Variants in EPG5 observed in about 807,000 individuals in gnomAD.
EPG5 encodes the protein ectopic P granules protein 5 homolog.
A neutral mutation model predicts 302.7 loss-of-function variants in EPG5; 159 were observed. The observed-to-expected ratio is 0.53, with a 90% CI of 0.46 to 0.60. EPG5 has a LOEUF of 0.60. Ranked by LOEUF, EPG5 falls within the 20% of genes least tolerant of loss-of-function variation. The pLI is 0.00. For synonymous variants in EPG5, 1,158 were observed against 1,136.8 expected (o/e 1.02, Z -0.37); for missense variants, 2,896 against 3,092.4 (o/e 0.94, Z 1.51).
At chr18:45,829,167 C>A in the EPG5 span, 15 of 985,364 alleles carry the variant, frequency 1.5e-5, no homozygotes, top group Non-Finnish European at 1.8e-5. Context: ...TGTGGCCCTG[C>A]CTCTCCATCA....
the EPG5 span, among the ~76,000 whole-genome samples, chr18:45,833,081 CCATTTGCAG>C: frequency 1.4e-4 from 22 of 152,246 alleles, no homozygotes; most frequent in Non-Finnish European, 2.9e-4. Context: ...CCCAGACCTG[CCATTTGCAG>C]CACACTTCAG....
At chr18:45,919,375 C>T (rs891523053) in intron 16 of EPG5, among the ~76,000 whole-genome samples, 1 of 152,076 alleles carries the variant, frequency 6.6e-6, no homozygotes, top group African/African-American at 2.4e-5. Flanking sequence ...TAGAGAGAGC[C>T]CACAGCAGTA....
chr18:45,811,009 A>G, the EPG5 span, among the ~76,000 whole-genome samples: 1 of 152,196 alleles, frequency 6.6e-6, no homozygotes, highest in Non-Finnish European at 1.5e-5. Flanking sequence ...TACAAGAGAC[A>G]TACCTCAATG....
At position 45,943,308 on chromosome 18, in the gene EPG5, T is replaced by A; in HGVS notation, c.1796A>T (p.Asp599Val). 6.2e-7 allele frequency: 1 copy of A among 1,613,644 alleles called. No homozygotes were observed. Among genetic ancestry groups the A allele is most frequent in the Middle Eastern group, 1.6e-4 (1 of 6,062 alleles). ...AGGTCTTGTTGTTTCAGGTAAATAA[T>A]CACCTAGAAGTTAATCAGATAAAAG... ...QHLLGFKAKG[D>V]YLPETTRPQE... The change falls in exon 9 of 44, where the codon GAT becomes GTT. Residue 599 changes from aspartate to valine, a missense_variant. By Grantham distance (152) the Asp-to-Val change is radical. Around this residue, in one of 5 missense-constraint regions of EPG5, gnomAD observed 1,390 missense variants for 1,430.0 expected, o/e 0.97. Coordinates refer to ENST00000282041, the MANE Select transcript of EPG5 (RefSeq NM_020964.3).
the EPG5 span, among the ~76,000 whole-genome samples, chr18:45,807,019 T>C: frequency 6.6e-6 from 1 of 152,118 alleles, no homozygotes. Flanking sequence ...CTCAGTGCTA[T>C]TGGCAGGCGG....
intron 13 of EPG5, among the ~76,000 whole-genome samples, chr18:45,926,218 G>A (rs1333271594): frequency 1.3e-5 from 2 of 152,062 alleles, no homozygotes; most frequent in Non-Finnish European, 2.9e-5. Context: ...ATCGGGGGAC[G>A]GCTATTCACT....
At chr18:45,961,293 G>A (rs1034665884) in intron 1 of EPG5, among the ~76,000 whole-genome samples, 6 of 152,180 alleles carry the variant, frequency 3.9e-5, no homozygotes, top group African/African-American at 1.4e-4. Context: ...TCAAAACCCT[G>A]TGTTGATTCC....
chr18:45,938,461 CAAAA>C (rs201985053), intron 10 of EPG5, among the ~76,000 whole-genome samples: 2 of 88,594 alleles, frequency 2.3e-5, no homozygotes, highest in Admixed American at 1.1e-4. Context: ...GACTCCATCT[CAAAA>C]AAAAAAAAAA....
At chr18:45,931,145 A>G (rs1057479401) in intron 11 of EPG5, among the ~76,000 whole-genome samples, 1 of 152,262 alleles carries the variant, frequency 6.6e-6, no homozygotes, top group African/African-American at 2.4e-5. Context: ...TTAACTGCAA[A>G]GCACTGCTGC....
Position 45,913,872 on chromosome 18 carries a change from C to A in EPG5, c.3694-44G>T, listed in dbSNP as rs537675018. On this transcript the variant is annotated intron_variant, in intron 20 of 43. Transcript: ENST00000282041. ...AAGGGGAGGGGAAGGAGGAGCTCGC[C>A]CCACTGACGAAATACATCCTGATAT... 1.1e-5 allele frequency: 17 copies of A among 1,601,456 alleles called. No homozygotes were observed. In the African/African-American group the frequency reaches 2.1e-4, roughly 20 times the overall value.
rs183667378 is a variant in EPG5 at position 45,960,683 on chromosome 18, A to C, written c.64-5345T>G. On this transcript the variant is annotated intron_variant, in intron 1 of 43. Transcript: ENST00000282041. ...GGAAAAAAACCTAAAGAAAAATACAACAAACCATTACCAACAGTTATTTCC... is the reference window on the plus strand; with the variant it reads ...GGAAAAAAACCTAAAGAAAAATACACCAAACCATTACCAACAGTTATTTCC... Among the ~76,000 whole-genome samples, 6 of 152,300 alleles carry C rather than the reference A, an allele frequency of 3.9e-5. No individual in the cohort carries two copies. In the South Asian group the frequency reaches 1.2e-3, roughly 32 times the overall value.
chr18:45,849,345 C>G lies in EPG5; in HGVS notation c.*3122G>C, dbSNP rs1035564295. ...GCAGCCTAGGCCTGCCCATCACAGGCTGGACCACCAGGCACTGGACAGGGG... is the reference window on the plus strand; with the variant it reads ...GCAGCCTAGGCCTGCCCATCACAGGGTGGACCACCAGGCACTGGACAGGGG... On this transcript the variant is annotated 3_prime_UTR_variant, in exon 44 of 44. Coordinates refer to ENST00000282041, the MANE Select transcript of EPG5 (RefSeq NM_020964.3). The G allele has an allele frequency of 4.6e-5, 7 of 152,248 alleles. No homozygotes were observed. The highest frequency in any genetic ancestry group is 1.7e-4 in the African/African-American group (7 of 41,434). 9.4% of individuals were successfully genotyped at this position (152,248 alleles called of 1,614,324 possible). A position where few individuals can be genotyped will look rare whatever the true frequency, so the allele number is the denominator to read the frequency against.
chr18:45,929,459 A>G (rs2050350589), intron 12 of EPG5, among the ~76,000 whole-genome samples: 1 of 152,250 alleles, frequency 6.6e-6, no homozygotes. Context: ...TCCAAAGTGT[A>G]TGTTACAATC....
chr18:45,891,523 C>T lies in EPG5; in HGVS notation c.4810-1583G>A, dbSNP rs570400613. Among the ~76,000 whole-genome samples the T allele has an allele frequency of 1.7e-3, 249 of 150,152 alleles. 2 individuals carry two copies. Among genetic ancestry groups the T allele is most frequent in the African/African-American group, 5.8e-3 (237 of 40,650 alleles). ...CAAAAAAAAAAAAAAAAAAAAAGTTCCTGAAGGGCAATGGTCCTTCCTATT... is the reference window on the plus strand; with the variant it reads ...CAAAAAAAAAAAAAAAAAAAAAGTTTCTGAAGGGCAATGGTCCTTCCTATT... On this transcript the variant is annotated intron_variant, in intron 27 of 43. Coordinates refer to ENST00000282041, the MANE Select transcript of EPG5 (RefSeq NM_020964.3).
At chr18:45,847,528 A>G (rs1276963581), downstream of EPG5, 1 of 152,304 alleles carries the variant, frequency 6.6e-6, no homozygotes, top group East Asian at 1.9e-4. Context: ...TTTCTCATAT[A>G]AAATTTTTCT....
Position 45,904,047 on chromosome 18 carries a change from G to A in EPG5, c.4400C>T (p.Thr1467Ile), listed in dbSNP as rs951246520. 5.8e-5 allele frequency: 94 copies of A among 1,613,244 alleles called. No individual in the cohort carries two copies. In the East Asian group the frequency reaches 2.1e-3, roughly 35 times the overall value. Residue 1467 changes from threonine to isoleucine, a missense_variant, in exon 25 of 44, where the codon ACA becomes ATA. Around this residue, in one of 5 missense-constraint regions of EPG5, gnomAD observed 790 missense variants for 798.0 expected, o/e 0.99. Transcript: ENST00000282041. ...GGAATGGGACTCAAGCTTGGCCTGT[G>A]TCCACAGACCAACAGTCTCCTGAAA... ...HEFQETVGLW[T>I]QAKLESHSTP...
intron 4 of EPG5, among the ~76,000 whole-genome samples, chr18:45,950,533 G>A (rs1162104994): frequency 1.3e-5 from 2 of 152,176 alleles, no homozygotes; most frequent in African/African-American, 4.8e-5. Flanking sequence ...GACCTCCTCA[G>A]CCATATGGAA....
At chr18:45,915,007 G>A (rs1364475325) in intron 20 of EPG5, among the ~76,000 whole-genome samples, 5 of 151,394 alleles carry the variant, frequency 3.3e-5, no homozygotes, top group African/African-American at 1.2e-4. Flanking sequence ...GGCAGGGCGC[G>A]GTGGCTCACA....
At chr18:45,888,351 T>C (rs2049263899) in intron 28 of EPG5, among the ~76,000 whole-genome samples, 1 of 152,132 alleles carries the variant, frequency 6.6e-6, no homozygotes. Context: ...TCACCCAGGC[T>C]GGAGTGCAAT....
Sources: allele counts gnomAD v4.1 joint callset (sites outside exome capture counted in the v4.1 genomes callset), GRCh38; gene constraint gnomAD v4.1.1; regional missense constraint gnomAD v4.1.1; transcripts MANE v1.5; gene names NCBI Gene and HGNC (gene_info 2026-07-23, HGNC 2026-07-21).